The following MEI4 variants were observed in gnomAD, a reference collection of about 807,000 sequenced individuals.
MEI4 encodes the protein meiosis-specific protein MEI4.
MEI4 carries 27 observed loss-of-function variants against 31.4 expected under a neutral mutation model. That is an observed-to-expected ratio of 0.86 (90% CI 0.63 to 1.19). The LOEUF (loss-of-function observed/expected upper bound fraction) is 1.19, where lower values mean the gene tolerates loss of function less well. MEI4 is among the 50% of genes most tolerant of loss of function. The pLI is 0.00. For synonymous variants in MEI4, 122 were observed against 145.4 expected, an observed-to-expected ratio of 0.84 and a Z score of 1.16; for missense variants, 329 against 398.9, an observed-to-expected ratio of 0.82 and a Z score of 1.49.
intron 4 of MEI4, among the ~76,000 whole-genome samples, chr6:77,841,204 A>G (rs1770348785): frequency 6.6e-6 from 1 of 151,104 alleles, no homozygotes; most frequent in South Asian, 2.1e-4. Context: ...AATGTATATG[A>G]TAACTAAAAT....
rs1238948595 is a variant in MEI4, at chr6:77,782,708, A to G, written c.768+21043A>G. Among the ~76,000 whole-genome samples, 3 of 152,172 alleles carry G rather than the reference A, an allele frequency of 2.0e-5. No individual in the cohort carries two copies. In the South Asian group the frequency reaches 6.2e-4, roughly 32 times the overall value. ...CAGTTTAATCTGTTTATTGTCATCTATAGGTTCTTATATGTAGCTTTGATT... is the reference window on the plus strand; with the variant it reads ...CAGTTTAATCTGTTTATTGTCATCTGTAGGTTCTTATATGTAGCTTTGATT... On this transcript the variant is annotated intron_variant, in intron 3 of 4. Transcript: ENST00000684080.
intron 3 of MEI4, among the ~76,000 whole-genome samples, chr6:77,795,436 C>A (rs1232734956): frequency 1.3e-5 from 2 of 151,964 alleles, no homozygotes; most frequent in Non-Finnish European, 2.9e-5. Flanking sequence ...TACCCTTGAC[C>A]TAGCTTAAAT....
chr6:77,749,860 A>G (rs1170045986), intron 2 of MEI4, among the ~76,000 whole-genome samples: 1 of 152,222 alleles, frequency 6.6e-6, no homozygotes, highest in Non-Finnish European at 1.5e-5. Flanking sequence ...TGTTAAGGGC[A>G]GCCTGAGAGA....
chr6:77,711,399 A>G (rs1766463988), intron 2 of MEI4, among the ~76,000 whole-genome samples: 1 of 152,198 alleles, frequency 6.6e-6, no homozygotes, highest in African/African-American at 2.4e-5. Flanking sequence ...CACTGAAGAT[A>G]TATATAATTT....
chr6:77,854,145 A>G (rs1186971483), intron 4 of MEI4, among the ~76,000 whole-genome samples: 1 of 152,028 alleles, frequency 6.6e-6, no homozygotes, highest in Non-Finnish European at 1.5e-5. Flanking sequence ...AGTCATTTGG[A>G]TTCTGGTTAA....
At chr6:77,762,368 CT>C (rs1768065412) in intron 3 of MEI4, among the ~76,000 whole-genome samples, 1 of 152,090 alleles carries the variant, frequency 6.6e-6, no homozygotes, top group Admixed American at 6.6e-5. Flanking sequence ...TTGTTTGGCT[CT>C]TGAGACATGA....
At chr6:77,813,587 C>T (rs1561999314) in intron 3 of MEI4, among the ~76,000 whole-genome samples, 1 of 151,468 alleles carries the variant, frequency 6.6e-6, no homozygotes, top group Non-Finnish European at 1.5e-5. Flanking sequence ...GGACTTGATC[C>T]TGATTCTTTC....
rs374342211 is a variant in MEI4 at position 77,913,144 on chromosome 6, G to C, written c.901-9945G>C. 3.3e-5 allele frequency among the ~76,000 whole-genome samples: 5 copies of C among 152,254 alleles called. No homozygotes were observed. In the East Asian group the frequency reaches 9.7e-4, roughly 29 times the overall value. ...TGCATTTCTGGGATGAATTCTACTT[G>C]ATCGCAGTGTATTTTCCTTTTGATG... On this transcript the variant is annotated intron_variant, in intron 4 of 4. Transcript: ENST00000684080.
At chr6:77,804,936 G>A (rs950576402) in intron 3 of MEI4, among the ~76,000 whole-genome samples, 2 of 152,092 alleles carry the variant, frequency 1.3e-5, no homozygotes, top group Admixed American at 1.3e-4. Context: ...ATTTTATGGG[G>A]CATTGGATTT....
chr6:77,698,301 C>G (rs1229001663), intron 2 of MEI4, among the ~76,000 whole-genome samples: 1 of 152,092 alleles, frequency 6.6e-6, no homozygotes, highest in South Asian at 2.1e-4. Flanking sequence ...TGAATTTGAT[C>G]CTGTCAGTAT....
At chr6:77,879,292 A>G (rs538812191) in intron 4 of MEI4, among the ~76,000 whole-genome samples, 47 of 152,178 alleles carry the variant, frequency 3.1e-4, no homozygotes, top group Non-Finnish European at 5.4e-4. Flanking sequence ...CTTCATTTCT[A>G]AAACTGAGTC....
intron 2 of MEI4, among the ~76,000 whole-genome samples, chr6:77,734,197 C>T (rs960275101): frequency 3.3e-5 from 5 of 151,926 alleles, no homozygotes; most frequent in African/African-American, 9.7e-5. Context: ...GACTTTCTGT[C>T]TCATGATCTG....
At chr6:77,795,301 C>T (rs946036854) in intron 3 of MEI4, among the ~76,000 whole-genome samples, 3 of 152,158 alleles carry the variant, frequency 2.0e-5, no homozygotes, top group Non-Finnish European at 2.9e-5. Context: ...TTTTACTCCT[C>T]GCTCATGCTT....
At chr6:77,664,975 C>T (rs975931916) in intron 1 of MEI4, among the ~76,000 whole-genome samples, 41 of 150,674 alleles carry the variant, frequency 2.7e-4, no homozygotes, top group Non-Finnish European at 5.5e-4. Flanking sequence ...GAACACAGGC[C>T]AAGGGAGTAG....
intron 4 of MEI4, among the ~76,000 whole-genome samples, chr6:77,900,530 A>G (rs1766166616): frequency 6.6e-6 from 1 of 151,956 alleles, no homozygotes; most frequent in Admixed American, 6.6e-5. Context: ...AAACAAATAT[A>G]TAACTAACCA....
intron 2 of MEI4, among the ~76,000 whole-genome samples, chr6:77,752,269 G>A (rs1767794056): frequency 6.6e-6 from 1 of 152,080 alleles, no homozygotes; most frequent in Admixed American, 6.5e-5. Context: ...TTCTGGCCAG[G>A]GCAATCAGGC....
chr6:77,651,126 G>A (rs1009149845), upstream of MEI4, among the ~76,000 whole-genome samples: 21 of 152,180 alleles, frequency 1.4e-4, no homozygotes, highest in Non-Finnish European at 7.3e-5. Flanking sequence ...ATAAAGTAGT[G>A]TGGGACATGG....
chr6:77,864,647 C>A (rs1423559436), intron 4 of MEI4, among the ~76,000 whole-genome samples: 1 of 152,188 alleles, frequency 6.6e-6, no homozygotes, highest in Admixed American at 6.5e-5. Flanking sequence ...CTTTAAAACC[C>A]CACTGTCAAC....
chr6:77,870,359 A>G (rs1305076489), intron 4 of MEI4, among the ~76,000 whole-genome samples: 1 of 152,192 alleles, frequency 6.6e-6, no homozygotes. Context: ...TGATCTGAGC[A>G]CATTTAAGGT....
Sources: allele counts gnomAD v4.1 joint callset (sites outside exome capture counted in the v4.1 genomes callset), GRCh38; gene constraint gnomAD v4.1.1; transcripts MANE v1.5; gene names NCBI Gene and HGNC (gene_info 2026-07-23, HGNC 2026-07-21).